Variants in PAK5 observed in about 807,000 individuals in gnomAD.
PAK5 encodes the protein p21 (RAC1) activated kinase 5.
Under a neutral mutation model 65.9 loss-of-function variants are expected in PAK5, and 16 were observed. The ratio of observed to expected loss-of-function variants is 0.24; its 90% CI spans 0.16 to 0.37. PAK5 has a LOEUF of 0.37. PAK5 is among the 10% of genes least tolerant of loss of function. PAK5 has a pLI of 1.00. For missense variants in PAK5, 785 were observed against 903.9 expected (o/e 0.87, Z 1.69); for synonymous variants, 371 against 354.9 (o/e 1.05, Z -0.51).
chr20:9,708,357 C>T (rs1275199619), intron 2 of PAK5, among the ~76,000 whole-genome samples: 2 of 152,112 alleles, frequency 1.3e-5, no homozygotes, highest in South Asian at 2.1e-4. Context: ...GAATAACATA[C>T]ATTCTGCAAG....
chr20:9,754,067 A>G (rs1177403198), intron 1 of PAK5, among the ~76,000 whole-genome samples: 1 of 152,118 alleles, frequency 6.6e-6, no homozygotes, highest in Non-Finnish European at 1.5e-5. Flanking sequence ...TAAGACTCCA[A>G]TCAATTCTCC....
chr20:9,783,569 A>G (rs1441040487), intron 1 of PAK5, among the ~76,000 whole-genome samples: 1 of 152,190 alleles, frequency 6.6e-6, no homozygotes, highest in Non-Finnish European at 1.5e-5. Context: ...ATAAATCTCA[A>G]GAAGGTTACC....
intron 2 of PAK5, among the ~76,000 whole-genome samples, chr20:9,697,505 C>T (rs2047884656): frequency 1.3e-5 from 2 of 152,092 alleles, no homozygotes; most frequent in South Asian, 4.1e-4. Context: ...CCCAACAACT[C>T]AAGGTTGTCT....
At chr20:9,661,628 T>C (rs1404152286) in intron 2 of PAK5, among the ~76,000 whole-genome samples, 1 of 152,136 alleles carries the variant, frequency 6.6e-6, no homozygotes, top group East Asian at 1.9e-4. Context: ...TCATAACTGG[T>C]CTTACCAGGA....
chr20:9,612,124 A>C (rs2046573174), intron 3 of PAK5, among the ~76,000 whole-genome samples: 1 of 152,096 alleles, frequency 6.6e-6, no homozygotes, highest in African/African-American at 2.4e-5. Context: ...TTAGACACTG[A>C]AACAGAGCAG....
At chr20:9,586,092 C>T (rs956355611) in intron 3 of PAK5, among the ~76,000 whole-genome samples, 3 of 152,254 alleles carry the variant, frequency 2.0e-5, no homozygotes, top group East Asian at 1.9e-4. Context: ...ATTGTGAATA[C>T]AGAAGAAAGG....
chr20:9,604,976 T>C (rs1444262860), intron 3 of PAK5, among the ~76,000 whole-genome samples: 1 of 152,140 alleles, frequency 6.6e-6, no homozygotes, highest in African/African-American at 2.4e-5. Flanking sequence ...TGAAAGCAAC[T>C]CAAGGAAGAA....
intron 1 of PAK5, among the ~76,000 whole-genome samples, chr20:9,802,932 A>ATATATATATATATATATATATATATATG (rs1171891650): frequency 4.3e-5 from 6 of 138,452 alleles, no homozygotes; most frequent in Non-Finnish European, 7.8e-5. Context: ...ATATATATAT[A>ATATATATATATATATATATATATATATG]TGAATTACTA....
chr20:9,817,006 G>A (rs1347224064), intron 1 of PAK5, among the ~76,000 whole-genome samples: 1 of 152,076 alleles, frequency 6.6e-6, no homozygotes, highest in Non-Finnish European at 1.5e-5. Flanking sequence ...TACAAGCCAG[G>A]CATGGTGGTG....
intron 2 of PAK5, among the ~76,000 whole-genome samples, chr20:9,656,638 C>A (rs1286462340): frequency 1.3e-5 from 2 of 152,144 alleles, no homozygotes; most frequent in South Asian, 2.1e-4. Flanking sequence ...AACCTTTGTT[C>A]TTCTACTTAA....
At chr20:9,653,492 T>C (rs577286472) in intron 2 of PAK5, among the ~76,000 whole-genome samples, 1 of 152,344 alleles carries the variant, frequency 6.6e-6, no homozygotes, top group South Asian at 2.1e-4. Flanking sequence ...GCTCTGTTTC[T>C]TTCCTACATA....
intron 1 of PAK5, among the ~76,000 whole-genome samples, chr20:9,791,158 G>A (rs140255948): frequency 6.6e-6 from 1 of 152,164 alleles, no homozygotes; most frequent in Non-Finnish European, 1.5e-5. Context: ...CAACTCACAT[G>A]TAGACGACTT....
intron 2 of PAK5, among the ~76,000 whole-genome samples, chr20:9,668,622 T>C (rs542064911): frequency 2.5e-4 from 38 of 152,290 alleles, no homozygotes; most frequent in Middle Eastern, 6.8e-3. Flanking sequence ...TACGAGAGCA[T>C]AACACTGAGA....
intron 3 of PAK5, among the ~76,000 whole-genome samples, chr20:9,636,587 T>C (rs1405106755): frequency 2.0e-5 from 3 of 152,076 alleles, no homozygotes; most frequent in African/African-American, 4.8e-5. Context: ...CTTTAAAAGA[T>C]AAAAAGAAGA....
intron 1 of PAK5, among the ~76,000 whole-genome samples, chr20:9,745,531 A>G (rs1190619028): frequency 6.6e-6 from 1 of 152,166 alleles, no homozygotes; most frequent in Non-Finnish European, 1.5e-5. Context: ...AATGGGTTAC[A>G]AAATGATTAA....
intron 1 of PAK5, among the ~76,000 whole-genome samples, chr20:9,733,276 AC>A (rs2048352786): frequency 6.6e-6 from 1 of 152,214 alleles, no homozygotes; most frequent in South Asian, 2.1e-4. Context: ...ATAATACATT[AC>A]TTTTATTCAG....
intron 3 of PAK5, among the ~76,000 whole-genome samples, chr20:9,643,779 G>T (rs560222595): frequency 1.3e-5 from 2 of 152,252 alleles, no homozygotes; most frequent in South Asian, 4.1e-4. Flanking sequence ...TCTAATGTTG[G>T]TCAGAGGCTA....
At chr20:9,585,764 C>A (rs2046058264) in intron 3 of PAK5, among the ~76,000 whole-genome samples, 1 of 152,132 alleles carries the variant, frequency 6.6e-6, no homozygotes, top group Non-Finnish European at 1.5e-5. Context: ...CATCCTAATG[C>A]CCTCAACGAA....
intron 3 of PAK5, among the ~76,000 whole-genome samples, chr20:9,621,971 C>T (rs1315192000): frequency 6.6e-6 from 1 of 152,346 alleles, no homozygotes; most frequent in South Asian, 2.1e-4. Flanking sequence ...CACTCTCCTG[C>T]CTACCTTATT....
Sources: allele counts gnomAD v4.1 joint callset (sites outside exome capture counted in the v4.1 genomes callset), GRCh38; gene constraint gnomAD v4.1.1; transcripts MANE v1.5; gene names NCBI Gene and HGNC (gene_info 2026-07-23, HGNC 2026-07-21).